PLCG2: variants seen among roughly 807,000 people sequenced by gnomAD.
The protein encoded by PLCG2 is phospholipase C gamma 2.
In PLCG2, 69 loss-of-function variants were observed where a neutral mutation model predicts 175.6. That is an observed-to-expected ratio of 0.39 (90% CI 0.32 to 0.48). The LOEUF (loss-of-function observed/expected upper bound fraction) is 0.48, where lower values mean the gene tolerates loss of function less well. PLCG2 is among the 20% of genes least tolerant of loss of function. The pLI is 0.91. For synonymous variants in PLCG2, 827 were observed against 624.0 expected (o/e 1.33, Z -4.85); for missense variants, 1,798 against 1,650.9 (o/e 1.09, Z -1.54).
chr16:81,849,694 C>T (rs1397234123), intron 2 of PLCG2, among the ~76,000 whole-genome samples: 12 of 150,078 alleles, frequency 8.0e-5, no homozygotes, highest in Non-Finnish European at 1.5e-4. Flanking sequence ...TCACTTGAAC[C>T]CAGGAGGCGG....
chr16:81,860,169 ATTATTT>A (rs1185687615), intron 5 of PLCG2, among the ~76,000 whole-genome samples: 1,491 of 93,338 alleles, frequency 0.016, 26 homozygotes, highest in African/African-American at 0.049. Context: ...TATTATTATT[ATTATTT>A]TTTTTTTTTT....
chr16:81,904,614 C>G (rs1909285903), intron 14 of PLCG2, among the ~76,000 whole-genome samples: 1 of 152,356 alleles, frequency 6.6e-6, no homozygotes, highest in Admixed American at 6.5e-5. Context: ...TGCGGCCTGC[C>G]TTTCCCTCTG....
chr16:81,912,840 C>A, intron 19 of PLCG2, 124 bp downstream of exon 19: 1 of 1,195,280 alleles, frequency 8.4e-7, no homozygotes, highest in South Asian at 1.6e-5. Context: ...GCATCAGCGA[C>A]AACAACAACC....
chr16:81,893,063 G>A (rs1273390083), intron 11 of PLCG2, among the ~76,000 whole-genome samples: 1 of 152,102 alleles, frequency 6.6e-6, no homozygotes, highest in East Asian at 1.9e-4. Flanking sequence ...ATTTCACTAT[G>A]TTGGCCAGGC....
At chr16:81,957,791 C>G (rs1911635293) in intron 32 of PLCG2, among the ~76,000 whole-genome samples, 165 bp from the exon 33 acceptor site, 1 of 152,148 alleles carries the variant, frequency 6.6e-6, no homozygotes, top group African/African-American at 2.4e-5. Flanking sequence ...CTCTCTGAGT[C>G]TCAACGTCTT....
In PLCG2 at chr16:81,897,647, G is replaced by C. The variant is rs528182322; in HGVS notation, c.1193+1720G>C. On this transcript the variant is annotated intron_variant, in intron 13 of 32. Transcript: ENST00000564138. ...TGCAACCTCCACCTCCTGAGTTCGA[G>C]CAATTCCCCTGTCTCAGCCTCCCGA... Among the ~76,000 whole-genome samples the C allele has an allele frequency of 5.3e-5, 8 of 150,390 alleles. No homozygotes were observed. In the East Asian group the frequency reaches 1.4e-3, roughly 26 times the overall value.
intron 22 of PLCG2, among the ~76,000 whole-genome samples, chr16:81,926,069 C>T (rs572759376): frequency 6.9e-6 from 1 of 145,050 alleles, no homozygotes; most frequent in East Asian, 2.2e-4. Flanking sequence ...AGGAAATGCC[C>T]AAGCTGAGTC....
chr16:81,869,193 C>G (rs1471546815), intron 5 of PLCG2, 21 bp from the exon 6 acceptor site: 1 of 1,600,488 alleles, frequency 6.2e-7, no homozygotes, highest in African/African-American at 1.3e-5. Flanking sequence ...GGTGACAGAA[C>G]TGGGTCTCCC....
At chr16:81,800,789 G>C (rs1426035276) in intron 2 of PLCG2, among the ~76,000 whole-genome samples, 1 of 151,876 alleles carries the variant, frequency 6.6e-6, no homozygotes, top group African/African-American at 2.4e-5. Flanking sequence ...TACTCTATAC[G>C]GCAAAATGCT....
In PLCG2 at chr16:81,854,579, G is replaced by A; in HGVS notation, c.329G>A (p.Ser110Asn). 1 of 1,613,822 alleles carries A rather than the reference G, an allele frequency of 6.2e-7. No homozygotes were observed. The highest frequency in any genetic ancestry group is 8.5e-7 in the Non-Finnish European group (1 of 1,179,712). The change falls in exon 3 of 33, where the codon AGC (serine) becomes AAC (asparagine). Residue 110 changes from serine (S) to asparagine (N), a missense_variant. Transcript: ENST00000564138. ...YGTQFVLSTLSLAADSKEDAV... is the reference protein window; with the variant it reads ...YGTQFVLSTLNLAADSKEDAV... ...ACTCAGTTCGTCCTCAGCACGCTCAGCTTGGCAGGTAGGTGCATGTTTCTG... is the reference window on the plus strand; with the variant it reads ...ACTCAGTTCGTCCTCAGCACGCTCAACTTGGCAGGTAGGTGCATGTTTCTG...
At chr16:81,943,536 G>C (rs1911036777) in intron 30 of PLCG2, among the ~76,000 whole-genome samples, 1 of 152,118 alleles carries the variant, frequency 6.6e-6, no homozygotes, top group Admixed American at 6.6e-5. Flanking sequence ...CATGAGATTT[G>C]GGTGGGGACA....
At chr16:81,754,987 T>C (rs1256973126) in intron 1 of PLCG2, among the ~76,000 whole-genome samples, 1 of 152,090 alleles carries the variant, frequency 6.6e-6, no homozygotes, top group Non-Finnish European at 1.5e-5. Context: ...TGTGTGTCCT[T>C]AGGCAAATTG....
At chr16:81,865,140 G>A (rs1294266872) in intron 5 of PLCG2, among the ~76,000 whole-genome samples, 2 of 152,186 alleles carry the variant, frequency 1.3e-5, no homozygotes, top group Non-Finnish European at 2.9e-5. Context: ...CTGTGGAGCT[G>A]TCCTGAATTG....
At chr16:81,934,358 A>G (rs1329940409) in intron 25 of PLCG2, 71 bp from the exon 26 acceptor site, 6 of 931,446 alleles carry the variant, frequency 6.4e-6, no homozygotes, top group Non-Finnish European at 1.0e-5. Context: ...ATGGAGGAGG[A>G]AAAATGCAGG....
chr16:81,890,242 A>G (rs1481038339), intron 10 of PLCG2, among the ~76,000 whole-genome samples: 1 of 152,206 alleles, frequency 6.6e-6, no homozygotes, highest in Non-Finnish European at 1.5e-5. Flanking sequence ...CCTTAGCAGA[A>G]TCCAGGCTCC....
intron 13 of PLCG2, among the ~76,000 whole-genome samples, chr16:81,896,911 C>T (rs1327320242): frequency 6.6e-6 from 1 of 152,170 alleles, no homozygotes; most frequent in Non-Finnish European, 1.5e-5. Flanking sequence ...GGGTTTCTGA[C>T]CTCAGGTGTA....
intron 2 of PLCG2, among the ~76,000 whole-genome samples, chr16:81,811,531 C>A (rs773090446): frequency 1.3e-5 from 2 of 151,986 alleles, no homozygotes; most frequent in Non-Finnish European, 2.9e-5. Flanking sequence ...TCCCCCAACC[C>A]CTAACAGGCC....
chr16:81,876,019 T>TC (rs201045382), intron 7 of PLCG2, among the ~76,000 whole-genome samples: 104 of 98,656 alleles, frequency 1.1e-3, no homozygotes, highest in East Asian at 9.5e-3. Flanking sequence ...TTTCTTTCTT[T>TC]TTTTTTTTTT....
chr16:81,868,832 CT>C (rs1340532919), intron 5 of PLCG2, among the ~76,000 whole-genome samples: 1 of 152,258 alleles, frequency 6.6e-6, no homozygotes, highest in Non-Finnish European at 1.5e-5. Flanking sequence ...ACCAGCCCTT[CT>C]CACTGGGACA....
Sources: gnomAD v4.1 joint callset for allele counts (sites outside exome capture counted in the v4.1 genomes callset) on GRCh38, gnomAD v4.1.1 for gene constraint, MANE v1.5 for transcripts, NCBI Gene and HGNC (gene_info 2026-07-23, HGNC 2026-07-21) for gene names.